TBXAS1: variants seen among roughly 807,000 people sequenced by gnomAD.
TBXAS1 encodes the protein thromboxane A synthase 1.
Under a neutral mutation model 60.7 loss-of-function variants are expected in TBXAS1, and 48 were observed. The ratio of observed to expected loss-of-function variants is 0.79; its 90% CI spans 0.63 to 1.01. The LOEUF (loss-of-function observed/expected upper bound fraction) is 1.01, where lower values mean the gene tolerates loss of function less well. TBXAS1 is among the 50% of genes least tolerant of loss of function. The pLI, the probability that TBXAS1 is intolerant of heterozygous loss-of-function variation, is 0.00. For missense variants in TBXAS1, 685 were observed against 686.3 expected (o/e 1.00, Z 0.02); for synonymous variants, 287 against 269.7 (o/e 1.06, Z -0.63).
chr7:139,937,413 T>C (rs761505716), intron 5 of TBXAS1, among the ~76,000 whole-genome samples: 20 of 152,146 alleles, frequency 1.3e-4, no homozygotes, highest in Non-Finnish European at 2.1e-4. Flanking sequence ...TCTTCTGAAG[T>C]CCCCCAGAAG....
At chr7:139,885,299 A>G (rs1206731359) in intron 3 of TBXAS1, among the ~76,000 whole-genome samples, 1 of 152,220 alleles carries the variant, frequency 6.6e-6, no homozygotes, top group Non-Finnish European at 1.5e-5. Flanking sequence ...AGAATGTCTC[A>G]ATTAAAGTTG....
intron 3 of TBXAS1, among the ~76,000 whole-genome samples, chr7:139,898,434 T>G (rs1804286412): frequency 7.0e-6 from 1 of 143,250 alleles, no homozygotes; most frequent in Non-Finnish European, 1.5e-5. Context: ...TTTTTTTTTT[T>G]TTTTTTTTTT....
At chr7:139,964,021 C>T (rs1810579070) in intron 9 of TBXAS1, among the ~76,000 whole-genome samples, 1 of 152,154 alleles carries the variant, frequency 6.6e-6, no homozygotes, top group Admixed American at 6.5e-5. Context: ...GGGTCTGTGG[C>T]CTAAAATTCC....
At chr7:139,954,638 A>G (rs1225203335) in intron 6 of TBXAS1, among the ~76,000 whole-genome samples, 1 of 152,232 alleles carries the variant, frequency 6.6e-6, no homozygotes, top group Non-Finnish European at 1.5e-5. Flanking sequence ...GATATTAATA[A>G]CCCAGTTTTT....
At chr7:139,911,377 C>A in intron 4 of TBXAS1, 56 bp downstream of exon 4, 1 of 1,450,122 alleles carries the variant, frequency 6.9e-7, no homozygotes, top group Non-Finnish European at 9.7e-7. Flanking sequence ...CAGATGGAGA[C>A]ACTGCATGTC....
intron 4 of TBXAS1, chr7:139,914,048 G>T (rs76417506): frequency 1.4e-5 from 2 of 142,286 alleles, no homozygotes; most frequent in African/African-American, 2.8e-5. Flanking sequence ...TTTTTTTTTG[G>T]AGACACGGTC....
upstream of TBXAS1, among the ~76,000 whole-genome samples, chr7:139,828,706 C>G (rs550952298): frequency 6.6e-6 from 1 of 152,272 alleles, no homozygotes; most frequent in Admixed American, 6.5e-5. Context: ...TACGGATCTG[C>G]CTTCAAACAC....
intron 10 of TBXAS1, among the ~76,000 whole-genome samples, chr7:140,010,055 G>A (rs111858426): frequency 2.3e-4 from 11 of 47,948 alleles, no homozygotes; most frequent in African/African-American, 4.7e-4. Context: ...CACCACACCC[G>A]CCCCACACCT....
rs2267698 is a variant in TBXAS1 at position 139,916,994 on chromosome 7, G to A, written c.333+5673G>A. On this transcript the variant is annotated intron_variant, in intron 4 of 12. Transcript: ENST00000448866. This position sits in a 1 kb window ranked among gnomAD's most constrained non-coding sequence, Gnocchi z 4.2. ...CTCTTTCTCTTAAATCAAACATTGA[G>A]TAAATGAAGACACTCAGATGTTCAA... Among the ~76,000 whole-genome samples the A allele has an allele frequency of 0.084, 12,734 of 152,262 alleles. 715 individuals carry two copies. The highest frequency in any genetic ancestry group is 0.14 in the African/African-American group (5,850 of 41,514).
chr7:139,879,992 T>C (rs1802573421), intron 3 of TBXAS1, among the ~76,000 whole-genome samples: 1 of 152,118 alleles, frequency 6.6e-6, no homozygotes, highest in Non-Finnish European at 1.5e-5. Flanking sequence ...AGTGATTCTC[T>C]GGTGCCTCAG....
At chr7:139,849,008 C>T (rs1800014764) in intron 1 of TBXAS1, among the ~76,000 whole-genome samples, 1 of 151,984 alleles carries the variant, frequency 6.6e-6, no homozygotes, top group Non-Finnish European at 1.5e-5. Flanking sequence ...AATAAATGAA[C>T]AAAAACTTAA....
chr7:139,894,348 G>A (rs574245574), intron 3 of TBXAS1, among the ~76,000 whole-genome samples: 2 of 152,160 alleles, frequency 1.3e-5, no homozygotes, highest in South Asian at 4.2e-4. Context: ...ATCACAGTGG[G>A]GTCTCTTCAT....
intron 3 of TBXAS1, among the ~76,000 whole-genome samples, chr7:139,886,751 T>C (rs1227511236): frequency 1.3e-5 from 2 of 152,190 alleles, no homozygotes; most frequent in African/African-American, 4.8e-5. Flanking sequence ...AGATTGCTTG[T>C]AACTCTTCAA....
intron 3 of TBXAS1, among the ~76,000 whole-genome samples, chr7:139,894,206 G>C (rs8192820): frequency 6.6e-6 from 1 of 152,170 alleles, no homozygotes; most frequent in African/African-American, 2.4e-5. Flanking sequence ...CACCACCCAC[G>C]CACCACACCA....
chr7:139,969,039 A>G (rs989311323), intron 9 of TBXAS1, among the ~76,000 whole-genome samples: 8 of 152,172 alleles, frequency 5.3e-5, no homozygotes, highest in Non-Finnish European at 1.2e-4. Flanking sequence ...TTGACTTTTG[A>G]TCTGGCTAAA....
At chr7:139,988,722 T>A (rs1225464582) in intron 9 of TBXAS1, among the ~76,000 whole-genome samples, 2 of 152,098 alleles carry the variant, frequency 1.3e-5, no homozygotes, top group Non-Finnish European at 2.9e-5. Flanking sequence ...ACTTTCTTGG[T>A]CTTGGTTTAC....
chr7:139,965,699 C>G, intron 9 of TBXAS1, among the ~76,000 whole-genome samples: 1 of 152,100 alleles, frequency 6.6e-6, no homozygotes, highest in Non-Finnish European at 1.5e-5. Flanking sequence ...GATTTTCTTC[C>G]CCTATGTGAT....
At chr7:139,953,614 C>A in intron 6 of TBXAS1, 158 bp downstream of exon 6, 1 of 712,736 alleles carries the variant, frequency 1.4e-6, no homozygotes, top group Admixed American at 2.3e-5. Flanking sequence ...AGAAAAGAAA[C>A]CCACTTAACA....
At chr7:139,971,366 T>C (rs1404695780) in intron 9 of TBXAS1, among the ~76,000 whole-genome samples, 3 of 152,308 alleles carry the variant, frequency 2.0e-5, no homozygotes, top group African/African-American at 4.8e-5. Context: ...CACAGGATAC[T>C]AGGGACTTCT....
Sources: allele counts gnomAD v4.1 joint callset (sites outside exome capture counted in the v4.1 genomes callset), GRCh38; gene constraint gnomAD v4.1.1; non-coding constraint Gnocchi (gnomAD v3.1); transcripts MANE v1.5; gene names NCBI Gene and HGNC (gene_info 2026-07-23, HGNC 2026-07-21).